The following LIN28B variants were observed in gnomAD, a reference collection of about 807,000 sequenced individuals.
The protein encoded by LIN28B is protein lin-28 homolog B.
A neutral mutation model predicts 21.9 loss-of-function variants in LIN28B; 5 were observed. The observed-to-expected ratio is 0.23, with a 90% CI of 0.12 to 0.48. The LOEUF (loss-of-function observed/expected upper bound fraction) is 0.48, where lower values mean the gene tolerates loss of function less well. Among genes scored for constraint, LIN28B ranks in the 20% least tolerant of loss-of-function variants. LIN28B has a pLI of 0.98. For synonymous variants in LIN28B, 109 were observed against 111.3 expected, an observed-to-expected ratio of 0.98 and a Z score of 0.13; for missense variants, 245 against 310.5, an observed-to-expected ratio of 0.79 and a Z score of 1.58.
chr6:105,057,841 A>C (rs1466625164), intron 3 of LIN28B, among the ~76,000 whole-genome samples: 1 of 152,174 alleles, frequency 6.6e-6, no homozygotes, highest in Non-Finnish European at 1.5e-5. Flanking sequence ...GCATTACAAA[A>C]ATACTTAGTA....
intron 3 of LIN28B, among the ~76,000 whole-genome samples, chr6:105,035,179 T>C (rs1771499793): frequency 6.6e-6 from 1 of 152,090 alleles, no homozygotes; most frequent in Non-Finnish European, 1.5e-5. Flanking sequence ...TTAAAGAATA[T>C]CTGTTTTACT....
At chr6:105,054,327 T>A (rs1057510422) in intron 3 of LIN28B, among the ~76,000 whole-genome samples, 2 of 152,256 alleles carry the variant, frequency 1.3e-5, no homozygotes, top group African/African-American at 2.4e-5. Flanking sequence ...CTATAAAATG[T>A]AACAATGCTA....
chr6:104,958,002 T>A (rs745961020), intron 1 of LIN28B, 97 bp from the exon 2 acceptor site: 292 of 831,192 alleles, frequency 3.5e-4, no homozygotes, highest in Non-Finnish European at 4.7e-4. Flanking sequence ...CTGTTACCCT[T>A]CCCCCCCAAC....
intron 3 of LIN28B, among the ~76,000 whole-genome samples, chr6:105,068,635 GA>G (rs1680171931): frequency 6.6e-6 from 1 of 152,158 alleles, no homozygotes; most frequent in Admixed American, 6.5e-5. Context: ...TTATGCAACA[GA>G]AAGAACCAAA....
intron 2 of LIN28B, among the ~76,000 whole-genome samples, chr6:105,006,357 G>C (rs1377057738): frequency 6.6e-6 from 1 of 152,160 alleles, no homozygotes; most frequent in Non-Finnish European, 1.5e-5. Context: ...TGTTGCCCAG[G>C]CTGGAGTATT....
chr6:104,949,583 A>AGTCTAGTGAGT (rs1451072869), intron 2 of LIN28B, among the ~76,000 whole-genome samples: 1 of 152,196 alleles, frequency 6.6e-6, no homozygotes, highest in Non-Finnish European at 1.5e-5. Context: ...TTGTGAGTTG[A>AGTCTAGTGAGT]TATAGTAGGT....
intron 3 of LIN28B, among the ~76,000 whole-genome samples, chr6:105,068,673 T>A (rs1410518061): frequency 6.6e-6 from 1 of 152,220 alleles, no homozygotes; most frequent in Non-Finnish European, 1.5e-5. Context: ...TGAATTTTGC[T>A]TTTTATTTGA....
At chr6:104,993,282 T>C (rs1770532573) in intron 2 of LIN28B, among the ~76,000 whole-genome samples, 2 of 151,874 alleles carry the variant, frequency 1.3e-5, no homozygotes, top group African/African-American at 4.8e-5. Flanking sequence ...CTGTGCAACA[T>C]AGCAAGACCC....
At chr6:104,998,580 C>G (rs1770659269) in intron 2 of LIN28B, among the ~76,000 whole-genome samples, 1 of 152,126 alleles carries the variant, frequency 6.6e-6, no homozygotes, top group Non-Finnish European at 1.5e-5. Context: ...AAATTAATTT[C>G]TTCTTGTCCA....
intron 2 of LIN28B, among the ~76,000 whole-genome samples, chr6:105,013,898 G>A (rs752741598): frequency 1.3e-5 from 2 of 152,044 alleles, no homozygotes; most frequent in Non-Finnish European, 2.9e-5. Flanking sequence ...TGTGGGATTG[G>A]TGGTGACGGG....
chr6:104,938,968 C>A (rs1340460565), intron 2 of LIN28B, among the ~76,000 whole-genome samples: 1 of 151,988 alleles, frequency 6.6e-6, no homozygotes, highest in Non-Finnish European at 1.5e-5. Flanking sequence ...GTTTACAATT[C>A]TTCTCAGGAC....
chr6:105,040,105 CAA>C (rs969140852), intron 3 of LIN28B, among the ~76,000 whole-genome samples: 3 of 152,058 alleles, frequency 2.0e-5, no homozygotes, highest in African/African-American at 7.2e-5. Context: ...ATTATTATAT[CAA>C]AAATGTTTTC....
At chr6:104,947,152 T>C (rs1169380345) in intron 2 of LIN28B, among the ~76,000 whole-genome samples, 6 of 152,134 alleles carry the variant, frequency 3.9e-5, no homozygotes, top group Admixed American at 1.3e-4. Flanking sequence ...TGAGACAGAG[T>C]CTCACTGTGT....
At chr6:104,968,272 A>T (rs1769904879) in intron 2 of LIN28B, among the ~76,000 whole-genome samples, 1 of 152,208 alleles carries the variant, frequency 6.6e-6, no homozygotes, top group Non-Finnish European at 1.5e-5. Flanking sequence ...ACGAAGTCTA[A>T]TTATACAGTC....
chr6:105,026,729 C>A (rs941337755), intron 3 of LIN28B, among the ~76,000 whole-genome samples: 12 of 152,118 alleles, frequency 7.9e-5, no homozygotes, highest in Non-Finnish European at 1.6e-4. Context: ...TGTTCTGAGA[C>A]CCCAGTTGAG....
chr6:105,002,123 G>A (rs143504196), intron 2 of LIN28B, among the ~76,000 whole-genome samples: 107 of 149,896 alleles, frequency 7.1e-4, no homozygotes, highest in African/African-American at 2.3e-3. Context: ...TGACCCTTCT[G>A]TGATCATTGG....
At chr6:105,052,068 A>G (rs1771917822) in intron 3 of LIN28B, among the ~76,000 whole-genome samples, 1 of 152,188 alleles carries the variant, frequency 6.6e-6, no homozygotes, top group Non-Finnish European at 1.5e-5. Flanking sequence ...CAAGCCTTGT[A>G]AAGATCTGGG....
At chr6:104,985,662 A>G (rs1335327052) in intron 2 of LIN28B, among the ~76,000 whole-genome samples, 1 of 152,114 alleles carries the variant, frequency 6.6e-6, no homozygotes, top group Non-Finnish European at 1.5e-5. Flanking sequence ...ATGTCATATT[A>G]TATATTTTCT....
intron 3 of LIN28B, among the ~76,000 whole-genome samples, chr6:105,071,275 C>T (rs893398378): frequency 2.0e-5 from 3 of 152,020 alleles, no homozygotes; most frequent in Admixed American, 6.6e-5. Context: ...TGTATTATGC[C>T]GTGGTTTGCT....
Sources: allele counts gnomAD v4.1 joint callset (sites outside exome capture counted in the v4.1 genomes callset), GRCh38; gene constraint gnomAD v4.1.1; transcripts MANE v1.5; gene names NCBI Gene and HGNC (gene_info 2026-07-23, HGNC 2026-07-21).